The following CACNB4 variants were observed in gnomAD, a reference collection of about 807,000 sequenced individuals.
CACNB4 encodes calcium voltage-gated channel auxiliary subunit beta 4.
CACNB4 carries 32 observed loss-of-function variants against 71.2 expected under a neutral mutation model. The ratio of observed to expected loss-of-function variants is 0.45; its 90% CI spans 0.34 to 0.60. CACNB4 has a LOEUF of 0.60. CACNB4 is among the 20% of genes least tolerant of loss of function. The pLI is 0.01. For missense variants in CACNB4, 464 were observed against 647.9 expected (o/e 0.72, Z 3.08); for synonymous variants, 231 against 236.9 (o/e 0.97, Z 0.23).
chr2:151,945,906 T>C (rs913626724), intron 2 of CACNB4, among the ~76,000 whole-genome samples: 1 of 150,760 alleles, frequency 6.6e-6, no homozygotes, highest in Non-Finnish European at 1.5e-5. Context: ...ATTACATGTG[T>C]GTGTGCGCGT....
At chr2:151,943,911 A>G (rs1429394599) in intron 2 of CACNB4, among the ~76,000 whole-genome samples, 3 of 152,220 alleles carry the variant, frequency 2.0e-5, no homozygotes, top group Non-Finnish European at 4.4e-5. Context: ...TTCTGACAAA[A>G]TGTGTAAATG....
intron 2 of CACNB4, among the ~76,000 whole-genome samples, chr2:151,996,938 AT>A (rs1198002608): frequency 2.0e-5 from 3 of 151,964 alleles, no homozygotes; most frequent in Admixed American, 6.6e-5. Context: ...AAGAAAAAAA[AT>A]AACACAAACC....
At chr2:151,860,929 C>A in intron 9 of CACNB4, 109 bp from the exon 10 acceptor site, 4 of 701,328 alleles carry the variant, frequency 5.7e-6, no homozygotes, top group South Asian at 1.7e-5. Context: ...ACAGGGGAAC[C>A]ACAGTATAAC....
chr2:151,931,134 C>G (rs1326775084), intron 2 of CACNB4, among the ~76,000 whole-genome samples: 1 of 152,142 alleles, frequency 6.6e-6, no homozygotes, highest in Non-Finnish European at 1.5e-5. Flanking sequence ...ACCTATAAAC[C>G]CATTTCCTCT....
chr2:151,896,776 G>A (rs1171317460), intron 2 of CACNB4, among the ~76,000 whole-genome samples: 1 of 152,212 alleles, frequency 6.6e-6, no homozygotes, highest in African/African-American at 2.4e-5. Flanking sequence ...TTGGAACTAG[G>A]AAATAGGGTT....
intron 2 of CACNB4, among the ~76,000 whole-genome samples, chr2:152,044,370 A>T (rs2105261207): frequency 6.6e-6 from 1 of 152,134 alleles, no homozygotes; most frequent in African/African-American, 2.4e-5. Context: ...ACAGGTGCGC[A>T]TCACCATGCA....
At chr2:151,853,683 C>G in intron 11 of CACNB4, 140 bp from the exon 12 acceptor site, 1 of 566,180 alleles carries the variant, frequency 1.8e-6, no homozygotes, top group African/African-American at 2.0e-5. Flanking sequence ...ATATTTAAAC[C>G]TGTAATGATG....
At chr2:151,973,299 T>C in intron 2 of CACNB4, 1 of 198,150 alleles carries the variant, frequency 5.0e-6, no homozygotes, top group Non-Finnish European at 1.0e-5. Context: ...ATATAATGAA[T>C]GAGGCTTTTC....
intron 2 of CACNB4, among the ~76,000 whole-genome samples, chr2:152,066,137 G>A (rs987601559): frequency 5.9e-5 from 9 of 152,244 alleles, no homozygotes; most frequent in African/African-American, 1.4e-4. Context: ...ACGTGGCCAC[G>A]TACATGCAGG....
chr2:152,047,658 C>T (rs1685207588), intron 2 of CACNB4, among the ~76,000 whole-genome samples: 2 of 152,124 alleles, frequency 1.3e-5, no homozygotes, highest in African/African-American at 4.8e-5. Context: ...CTTTGAGAGG[C>T]CAAGGAAGTC....
chr2:151,926,195 G>A (rs1476335164), intron 2 of CACNB4, among the ~76,000 whole-genome samples: 1 of 152,190 alleles, frequency 6.6e-6, no homozygotes, highest in Non-Finnish European at 1.5e-5. Flanking sequence ...CTAGCAGTCA[G>A]AAGATGAGGA....
chr2:151,985,418 G>A (rs1048559882), intron 2 of CACNB4, among the ~76,000 whole-genome samples: 2 of 152,106 alleles, frequency 1.3e-5, no homozygotes. Context: ...CTATTAGTCT[G>A]CAATTCAGAT....
chr2:151,990,718 C>G (rs1218002873), intron 2 of CACNB4, among the ~76,000 whole-genome samples: 1 of 152,138 alleles, frequency 6.6e-6, no homozygotes, highest in Non-Finnish European at 1.5e-5. Context: ...ACAACTCTGA[C>G]CAGAAGTCAC....
intron 4 of CACNB4, among the ~76,000 whole-genome samples, chr2:151,876,782 A>ATGT (rs2099846437): frequency 7.0e-6 from 1 of 143,746 alleles, no homozygotes; most frequent in Non-Finnish European, 1.5e-5. Context: ...TATATACTAT[A>ATGT]CTATATACTA....
At chr2:151,845,374 A>C (rs2099837286) in intron 12 of CACNB4, among the ~76,000 whole-genome samples, 2 of 152,200 alleles carry the variant, frequency 1.3e-5, no homozygotes, top group African/African-American at 4.8e-5. Context: ...GCTTATTTTC[A>C]TCTAGGAAGA....
chr2:151,891,030 A>T (rs1210437647), intron 2 of CACNB4, among the ~76,000 whole-genome samples: 3 of 152,228 alleles, frequency 2.0e-5, no homozygotes. Flanking sequence ...TATACAGTAT[A>T]GTTCAAACTA....
chr2:151,882,476 C>T (rs534076536), intron 3 of CACNB4, among the ~76,000 whole-genome samples: 7 of 152,092 alleles, frequency 4.6e-5, no homozygotes, highest in African/African-American at 1.7e-4. Flanking sequence ...GAGTCTGTCA[C>T]GTAGGGCAAA....
chr2:151,879,718 C>T (rs2099847348), intron 4 of CACNB4: 1 of 152,178 alleles, frequency 6.6e-6, no homozygotes, highest in Non-Finnish European at 1.5e-5. Context: ...AGGCTCTGGT[C>T]CACATAAGAT....
intron 2 of CACNB4, among the ~76,000 whole-genome samples, chr2:151,984,675 C>A (rs1681236587): frequency 6.6e-6 from 1 of 152,066 alleles, no homozygotes; most frequent in African/African-American, 2.4e-5. Context: ...TTCATTTAAC[C>A]ATATACTTGA....
Sources: gnomAD v4.1 joint callset for allele counts (sites outside exome capture counted in the v4.1 genomes callset) on GRCh38, gnomAD v4.1.1 for gene constraint, MANE v1.5 for transcripts, NCBI Gene and HGNC (gene_info 2026-07-23, HGNC 2026-07-21) for gene names.